ACOXL: variants seen among roughly 807,000 people sequenced by gnomAD.
The protein encoded by ACOXL is acyl-CoA oxidase like, also known as acyl-coenzyme A oxidase-like protein.
Under a neutral mutation model 71.9 loss-of-function variants are expected in ACOXL, and 70 were observed. That is an observed-to-expected ratio of 0.97 (90% CI 0.80 to 1.19). The LOEUF (loss-of-function observed/expected upper bound fraction) is 1.19. ACOXL is among the 50% of genes most tolerant of loss of function. ACOXL has a pLI of 0.00. For synonymous variants in ACOXL, 253 were observed against 281.6 expected (o/e 0.90, Z 1.02); for missense variants, 703 against 736.3 (o/e 0.95, Z 0.52).
chr2:111,017,967 T>A (rs1028462842), intron 14 of ACOXL: 1 of 152,240 alleles, frequency 6.6e-6, no homozygotes, highest in African/African-American at 2.4e-5. Context: ...TGGGTTTTAG[T>A]ATTCTTAAAG....
At chr2:111,082,180 T>G (rs1352773586) in intron 16 of ACOXL, among the ~76,000 whole-genome samples, 2 of 152,000 alleles carry the variant, frequency 1.3e-5, no homozygotes, top group Admixed American at 1.3e-4. Context: ...GGGATCCAAT[T>G]AAACTAAAGA....
chr2:110,995,789 T>C, intron 13 of ACOXL, 104 bp from the exon 14 acceptor site: 1 of 791,988 alleles, frequency 1.3e-6, no homozygotes. Context: ...ACTATTTTTC[T>C]ACAGAAAAAA....
At chr2:110,807,780 A>G (rs1686849000) in intron 9 of ACOXL, among the ~76,000 whole-genome samples, 2 of 152,112 alleles carry the variant, frequency 1.3e-5, no homozygotes, top group African/African-American at 4.8e-5. Flanking sequence ...CACATGACAT[A>G]TGTTTTCCCG....
At chr2:110,917,085 CT>C (rs2059888983) in intron 11 of ACOXL, among the ~76,000 whole-genome samples, 1 of 152,182 alleles carries the variant, frequency 6.6e-6, no homozygotes, top group South Asian at 2.1e-4. Context: ...GATACCAAAA[CT>C]TAGCAGAGAC....
rs142466907 is a variant in ACOXL, at chr2:110,833,781, T to C, written c.754-7590T>C. On this transcript the variant is annotated intron_variant, in intron 9 of 17. Transcript: ENST00000439055. ...TTGGGTGGAGGATTTTTTTTACTTG[T>C]TTTGTGAATTTTTGGAGGGTAAGAA... is the stretch of plus-strand genomic sequence containing the variant. Among the ~76,000 whole-genome samples, 1,174 of 152,322 alleles carry C rather than the reference T, an allele frequency of 7.7e-3. 7 individuals are homozygous for C. Among genetic ancestry groups the C allele is most frequent in the Middle Eastern group, 0.027 (8 of 294 alleles).
Position 111,052,773 on chromosome 2 carries a change from G to A in ACOXL, c.1440+3485G>A, listed in dbSNP as rs1248210970. On this transcript the variant is annotated intron_variant, in intron 16 of 17. Transcript: ENST00000439055. ...TTTGCCCTTGGCTCCACCTGCACTC[G>A]CCTGTGACTCCAGGTGTCACCTGAG... 3.3e-5 allele frequency among the ~76,000 whole-genome samples: 5 copies of A among 151,946 alleles called. No individual in the cohort carries two copies. The South Asian group carries it at 8.3e-4, about 25-fold the overall frequency.
chr2:110,788,250 C>T (rs898217324), intron 3 of ACOXL, among the ~76,000 whole-genome samples: 1 of 152,152 alleles, frequency 6.6e-6, no homozygotes, highest in Non-Finnish European at 1.5e-5. Flanking sequence ...TTTCCGTCAA[C>T]AGAGGAGTGG....
At chr2:111,041,120 G>A (rs140528341) in intron 15 of ACOXL, among the ~76,000 whole-genome samples, 41 of 152,250 alleles carry the variant, frequency 2.7e-4, no homozygotes, top group African/African-American at 8.4e-4. Flanking sequence ...GGGCACCAAG[G>A]TGGAGAGGAG....
chr2:110,744,519 C>T (rs1677945436), intron 1 of ACOXL, among the ~76,000 whole-genome samples: 1 of 152,086 alleles, frequency 6.6e-6, no homozygotes, highest in Non-Finnish European at 1.5e-5. Flanking sequence ...CCTCATCAAG[C>T]ACAGTATCAG....
chr2:111,110,608 T>C lies in ACOXL; in HGVS notation c.1543-7008T>C, dbSNP rs530579783. Among the ~76,000 whole-genome samples, 4 of 152,314 alleles carry C rather than the reference T, an allele frequency of 2.6e-5. No individual in the cohort carries two copies. The South Asian group carries it at 8.3e-4, about 32-fold the overall frequency. On this transcript the variant is annotated intron_variant, in intron 17 of 17. Transcript: ENST00000439055. ...CTCATCCCTTCAAAGTCTCTCCATCTCTGTTAGGCCCAGTCTTCTGTCCAC... is the reference window on the plus strand; with the variant it reads ...CTCATCCCTTCAAAGTCTCTCCATCCCTGTTAGGCCCAGTCTTCTGTCCAC...
chr2:110,975,245 AT>A (rs2062392062), intron 12 of ACOXL, among the ~76,000 whole-genome samples: 1 of 152,174 alleles, frequency 6.6e-6, no homozygotes, highest in Non-Finnish European at 1.5e-5. Context: ...TTTTTGTTTC[AT>A]TTTTATTTTC....
At position 111,055,598 on chromosome 2, in the gene ACOXL, G is replaced by T. The variant is rs139333119; in HGVS notation, c.1440+6310G>T. Among the ~76,000 whole-genome samples, 384 of 152,344 alleles carry T rather than the reference G, an allele frequency of 2.5e-3. 3 individuals are homozygous for T. Among genetic ancestry groups the T allele is most frequent in the African/African-American group, 8.8e-3 (366 of 41,570 alleles). Reference sequence around the variant, plus strand: ...TGCCTCTCAAGTGGAGGCACTCAGGGGCTGCCCGTTGTGGCCACACACCCT... The same window carrying T: ...TGCCTCTCAAGTGGAGGCACTCAGGTGCTGCCCGTTGTGGCCACACACCCT... On this transcript the variant is annotated intron_variant, in intron 16 of 17. Coordinates refer to ENST00000439055, the MANE Select transcript of ACOXL (RefSeq NM_001142807.4).
intron 12 of ACOXL, among the ~76,000 whole-genome samples, chr2:110,961,674 ACTGCT>A (rs2149448982): frequency 6.6e-6 from 1 of 152,364 alleles, no homozygotes; most frequent in South Asian, 2.1e-4. Context: ...CTGTTCTTGC[ACTGCT>A]TAATAAAGAC....
intron 10 of ACOXL, among the ~76,000 whole-genome samples, chr2:110,899,107 A>G (rs1018930487): frequency 5.3e-5 from 8 of 152,212 alleles, no homozygotes; most frequent in African/African-American, 1.7e-4. Flanking sequence ...GAGACATACC[A>G]TGTTTATGGA....
intron 14 of ACOXL, among the ~76,000 whole-genome samples, chr2:110,996,439 C>T (rs2063399809): frequency 6.6e-6 from 1 of 152,226 alleles, no homozygotes; most frequent in African/African-American, 2.4e-5. Flanking sequence ...TCTGCAAAAG[C>T]ATAAAACCTT....
At chr2:110,858,959 G>A (rs144072408) in intron 10 of ACOXL, among the ~76,000 whole-genome samples, 9 of 152,144 alleles carry the variant, frequency 5.9e-5, no homozygotes, top group South Asian at 2.1e-4. Context: ...CGTGCGAGGC[G>A]GTACCTTTGT....
intron 14 of ACOXL, among the ~76,000 whole-genome samples, chr2:110,997,864 C>T (rs2063467241): frequency 6.6e-6 from 1 of 152,114 alleles, no homozygotes; most frequent in Admixed American, 6.5e-5. Flanking sequence ...GCCTGGGCAA[C>T]ATGGCAAAAT....
At chr2:110,959,560 G>C (rs2061623916) in intron 12 of ACOXL, among the ~76,000 whole-genome samples, 1 of 152,058 alleles carries the variant, frequency 6.6e-6, no homozygotes. Context: ...CTATTTTTCT[G>C]TGCCACACCT....
intron 12 of ACOXL, among the ~76,000 whole-genome samples, chr2:110,943,348 G>A (rs1176543702): frequency 6.6e-6 from 1 of 151,406 alleles, no homozygotes; most frequent in Non-Finnish European, 1.5e-5. Context: ...GAGGGAAGGG[G>A]AAGGAAGAGA....
Sources: allele counts gnomAD v4.1 joint callset (sites outside exome capture counted in the v4.1 genomes callset), GRCh38; gene constraint gnomAD v4.1.1; transcripts MANE v1.5; gene names NCBI Gene and HGNC (gene_info 2026-07-23, HGNC 2026-07-21).